The following TBC1D16 variants were observed in gnomAD, a reference collection of about 807,000 sequenced individuals.
TBC1D16 encodes TBC1 domain family member 16.
In TBC1D16, 58 loss-of-function variants were observed where a neutral mutation model predicts 74.7. That is an observed-to-expected ratio of 0.78 (90% CI 0.63 to 0.97). TBC1D16 has a LOEUF of 0.97. Ranked by LOEUF, TBC1D16 falls within the 50% of genes least tolerant of loss-of-function variation. The probability of loss-of-function intolerance (pLI) is 0.00; values close to 1 mark genes in which losing one functional copy is unlikely to be tolerated. For synonymous variants in TBC1D16, 493 were observed against 474.7 expected, an observed-to-expected ratio of 1.04 and a Z score of -0.50; for missense variants, 1,014 against 1,079.5, an observed-to-expected ratio of 0.94 and a Z score of 0.85.
At chr17:80,019,439 A>ACCCCCC (rs71163907) in intron 1 of TBC1D16, among the ~76,000 whole-genome samples, 2 of 135,780 alleles carry the variant, frequency 1.5e-5, no homozygotes, top group Non-Finnish European at 3.1e-5. Flanking sequence ...CACCAGGACA[A>ACCCCCC]CCCCCCCCCG....
chr17:79,970,260 T>C (rs2034024207), intron 3 of TBC1D16, among the ~76,000 whole-genome samples: 1 of 152,160 alleles, frequency 6.6e-6, no homozygotes. Flanking sequence ...AGCAGGTTAG[T>C]GGCTGCCAGG....
At position 80,003,691 on chromosome 17, in the gene TBC1D16, G is replaced by A. The variant is rs563696640; in HGVS notation, c.779+6469C>T. Among the ~76,000 whole-genome samples the A allele has an allele frequency of 1.3e-4, 20 of 152,066 alleles. No individual in the cohort carries two copies. In the East Asian group the frequency reaches 3.9e-3, roughly 29 times the overall value. ...ATAATCACACTAGGCTAACACGTGG[G>A]CACACCTTCCTCTCAACCTCTGCCA... is the stretch of plus-strand genomic sequence containing the variant. On this transcript the variant is annotated intron_variant, in intron 3 of 11. Coordinates refer to ENST00000310924, the MANE Select transcript of TBC1D16 (RefSeq NM_019020.4).
rs988603736 is a variant in TBC1D16 at position 79,951,193 on chromosome 17, G to A, written c.1089+257C>T. Among the ~76,000 whole-genome samples the A allele has an allele frequency of 3.9e-5, 6 of 152,360 alleles. No homozygotes were observed. The East Asian group carries it at 7.7e-4, about 20-fold the overall frequency. On this transcript the variant is annotated intron_variant, in intron 5 of 11. Transcript: ENST00000310924. ...TAAAGAGCTCTTATTACATTTGTAC[G>A]TAGATTGAGCAAAATATGGCAGGAA... is the stretch of plus-strand genomic sequence containing the variant.
chr17:79,975,885 C>A lies in TBC1D16; in HGVS notation c.780-23067G>T, dbSNP rs1380732867. On this transcript the variant is annotated intron_variant, in intron 3 of 11. Transcript: ENST00000310924. The surrounding 1 kb of genome is among the most constrained non-coding windows in gnomAD (Gnocchi z 4.5). ...GCTCTGGGCTTCAGGATGGCAGCAG[C>A]AGCTCCGGCAGGCGGCTCTCCAGGC... Among the ~76,000 whole-genome samples, 1 of 152,180 alleles carries A rather than the reference C, an allele frequency of 6.6e-6. No homozygotes were observed. Among genetic ancestry groups the A allele is most frequent in the Non-Finnish European group, 1.5e-5 (1 of 68,026 alleles).
At chr17:79,969,978 A>G (rs1188696197) in intron 3 of TBC1D16, among the ~76,000 whole-genome samples, 1 of 152,202 alleles carries the variant, frequency 6.6e-6, no homozygotes, top group Non-Finnish European at 1.5e-5. Context: ...ATGTCTATAT[A>G]AAAACATGTA....
At chr17:79,947,520 C>T (rs901053739) in intron 9 of TBC1D16, 125 bp downstream of exon 9, 12 of 1,053,310 alleles carry the variant, frequency 1.1e-5, no homozygotes, top group African/African-American at 4.7e-5. Context: ...CCTATCCTGG[C>T]GTTCCCACTG....
rs1220973163 is a variant in TBC1D16, at chr17:79,993,248, AGGTCAGG to A, written c.779+16905_779+16911del. The stretch of plus-strand genomic sequence containing the variant: ...TCTCTGTCACCACCTGGGGGTAATA[AGGTCAGG>A]GATATGCCCCAGGCCGCCTGCTTCC... On this transcript the variant is annotated intron_variant, in intron 3 of 11. Transcript: ENST00000310924. This position sits in a 1 kb window ranked among gnomAD's most constrained non-coding sequence, Gnocchi z 5.1. Among the ~76,000 whole-genome samples, 1 of 152,196 alleles carries A rather than the reference AGGTCAGG, an allele frequency of 6.6e-6. No homozygotes were observed. The highest frequency in any genetic ancestry group is 1.5e-5 in the Non-Finnish European group (1 of 68,026).
At chr17:79,946,628 GCT>G (rs1367706517) in intron 9 of TBC1D16, among the ~76,000 whole-genome samples, 8 of 151,968 alleles carry the variant, frequency 5.3e-5, no homozygotes, top group Non-Finnish European at 1.2e-4. Flanking sequence ...TCTGAGACAC[GCT>G]CTGTGTCCTG....
At position 79,952,720 on chromosome 17, in the gene TBC1D16, T is replaced by C. The variant is rs779636472; in HGVS notation, c.878A>G (p.Glu293Gly). 3.1e-6 allele frequency: 5 copies of C among 1,612,172 alleles called. No individual in the cohort carries two copies. The highest frequency in any genetic ancestry group is 8.5e-7 in the Non-Finnish European group (1 of 1,179,240). The change falls in exon 4 of 12, where the codon GAG becomes GGG. Residue 293 changes from glutamate to glycine, a missense_variant. Transcript: ENST00000310924. ...WDEPQRVCAL[E>G]QICGVFRVDL... is the part of the protein sequence containing the mutation. ...CACGCGGAACACGCCGCAAATCTGC[T>C]CCAGGGCGCACACCCGCTGCGGCTC...
In TBC1D16 at chr17:79,956,549, G is replaced by A. The variant is rs940493666; in HGVS notation, c.780-3731C>T. Among the ~76,000 whole-genome samples, 2 of 152,132 alleles carry A rather than the reference G, an allele frequency of 1.3e-5. No individual in the cohort carries two copies. The highest frequency in any genetic ancestry group is 4.8e-5 in the African/African-American group (2 of 41,430). ...GACTACAGGCGTGAGCCACCACGCT[G>A]GGCCCGGTGGTCGCTTTAAGTTGCT... On this transcript the variant is annotated intron_variant, in intron 3 of 11. Coordinates refer to ENST00000310924, the MANE Select transcript of TBC1D16 (RefSeq NM_019020.4). The surrounding 1 kb of genome is among the most constrained non-coding windows in gnomAD (Gnocchi z 4.0).
In TBC1D16 at chr17:79,970,097, A is replaced by C. The variant is rs113737641; in HGVS notation, c.780-17279T>G. ...GCATCCATACAATGGAATACTGTTC[A>C]GCTATAAATAGGAATGAAGTACCGG... On this transcript the variant is annotated intron_variant, in intron 3 of 11. Transcript: ENST00000310924. Among the ~76,000 whole-genome samples the C allele has an allele frequency of 1.7e-3, 266 of 152,356 alleles. 1 individual carries two copies. The highest frequency in any genetic ancestry group is 6.2e-3 in the African/African-American group (256 of 41,584).
rs142345730 is a variant in TBC1D16, at chr17:79,950,506, G to T, written c.1162C>A (p.Pro388Thr). 2.2e-5 allele frequency: 36 copies of T among 1,613,304 alleles called. No homozygotes were observed. Among genetic ancestry groups the T allele is most frequent in the Non-Finnish European group, 3.0e-5 (35 of 1,179,940 alleles). Residue 388 changes from proline (P) to threonine (T), a missense_variant, in exon 6 of 12, where the codon CCC (proline) becomes ACC (threonine). Coordinates refer to ENST00000310924, the MANE Select transcript of TBC1D16 (RefSeq NM_019020.4). This position sits in a 1 kb window ranked among gnomAD's most constrained non-coding sequence, Gnocchi z 4.6. The part of the protein sequence containing the change: ...RPKLPSSETH[P>T]EESMYKRLGV... ...AGCCTCTTGTACATGCTCTCCTCGG[G>T]GTGCGTCTCGGAGGACGGCAGCTTG...
chr17:79,968,063 G>A (rs2033914732), intron 3 of TBC1D16, among the ~76,000 whole-genome samples: 1 of 152,012 alleles, frequency 6.6e-6, no homozygotes, highest in Non-Finnish European at 1.5e-5. Flanking sequence ...CGAGATCTCG[G>A]CTCACTGCAA....
intron 8 of TBC1D16, among the ~76,000 whole-genome samples, chr17:79,948,128 T>C (rs546889953): frequency 1.3e-5 from 2 of 152,254 alleles, no homozygotes; most frequent in South Asian, 4.1e-4. Context: ...CTGGCCAACA[T>C]GGTGAAACCC....
intron 3 of TBC1D16, among the ~76,000 whole-genome samples, chr17:80,005,918 G>C (rs951018029): frequency 1.3e-5 from 2 of 152,108 alleles, no homozygotes; most frequent in Non-Finnish European, 2.9e-5. Flanking sequence ...GGGTGGGGGA[G>C]TTGTCCCTCC....
chr17:79,955,502 G>A (rs1293066187), intron 3 of TBC1D16, among the ~76,000 whole-genome samples: 1 of 152,164 alleles, frequency 6.6e-6, no homozygotes, highest in Non-Finnish European at 1.5e-5. Flanking sequence ...AACGAAATAT[G>A]TACAGTGTTT....
chr17:80,011,751 A>G (rs112705707), intron 2 of TBC1D16, among the ~76,000 whole-genome samples: 2,396 of 151,934 alleles, frequency 0.016, 24 homozygotes, highest in Middle Eastern at 0.045. Context: ...GCGTGAACCC[A>G]GGAGACGGAG....
At position 79,950,639 on chromosome 17, in the gene TBC1D16, C is replaced by A; in HGVS notation, c.1090-61G>T. 1.3e-6 allele frequency: 2 copies of A among 1,578,524 alleles called. No individual in the cohort carries two copies. The highest frequency in any genetic ancestry group is 1.7e-6 in the Non-Finnish European group (2 of 1,162,194). ...TCAGCCGCGCGGCTTCAGAGGCCAG[C>A]AGTGCTTTTCCCAGGAATAAAAGCC... On this transcript the variant is annotated intron_variant, in intron 5 of 11. Transcript: ENST00000310924. The surrounding 1 kb of genome is among the most constrained non-coding windows in gnomAD (Gnocchi z 4.6).
At chr17:80,029,439 G>A (rs2036700426) in intron 1 of TBC1D16, among the ~76,000 whole-genome samples, 1 of 151,938 alleles carries the variant, frequency 6.6e-6, no homozygotes, top group Non-Finnish European at 1.5e-5. Flanking sequence ...CGTCCCCTAG[G>A]AGCCACTTGG....
Sources: gnomAD v4.1 joint callset for allele counts (sites outside exome capture counted in the v4.1 genomes callset) on GRCh38, gnomAD v4.1.1 for gene constraint, Gnocchi (gnomAD v3.1) non-coding constraint, MANE v1.5 for transcripts, NCBI Gene and HGNC (gene_info 2026-07-23, HGNC 2026-07-21) for gene names.